CCDC170: variants seen among roughly 807,000 people sequenced by gnomAD.
The protein encoded by CCDC170 is coiled-coil domain-containing protein 170.
A neutral mutation model predicts 72.6 loss-of-function variants in CCDC170; 69 were observed. That is an observed-to-expected ratio of 0.95 (90% CI 0.78 to 1.16). The LOEUF (loss-of-function observed/expected upper bound fraction) is 1.16, where lower values mean the gene tolerates loss of function less well. Among genes scored for constraint, CCDC170 ranks in the 50% most tolerant of loss-of-function variants. The probability of loss-of-function intolerance (pLI) is 0.00; values close to 1 mark genes in which losing one functional copy is unlikely to be tolerated. For missense variants in CCDC170, 852 were observed against 832.5 expected (o/e 1.02, Z -0.29); for synonymous variants, 300 against 303.9 (o/e 0.99, Z 0.13).
chr6:151,501,347 G>T (rs1781991825), intron 1 of CCDC170, among the ~76,000 whole-genome samples: 1 of 152,072 alleles, frequency 6.6e-6, no homozygotes, highest in African/African-American at 2.4e-5. Flanking sequence ...ATTGGAATAA[G>T]GCCTATTACT....
intron 1 of CCDC170, among the ~76,000 whole-genome samples, chr6:151,510,746 C>CAT (rs1554219761): frequency 6.8e-6 from 1 of 148,138 alleles, no homozygotes; most frequent in Non-Finnish European, 1.5e-5. Context: ...TTTTCTTCTT[C>CAT]TTTTTTTTTT....
At chr6:151,548,624 A>G in intron 5 of CCDC170, 135 bp downstream of exon 5, 1 of 697,468 alleles carries the variant, frequency 1.4e-6, no homozygotes, top group Non-Finnish European at 2.1e-6. Flanking sequence ...AAGAGCCTGC[A>G]CTCAGCAGGA....
At chr6:151,552,289 A>G (rs1444410064) in intron 5 of CCDC170, among the ~76,000 whole-genome samples, 3 of 139,460 alleles carry the variant, frequency 2.2e-5, no homozygotes, top group Non-Finnish European at 4.6e-5. Flanking sequence ...AAGTTTGACT[A>G]CGAATCTCTT....
rs533835419 is a variant in CCDC170, at chr6:151,526,562, C to T, written c.58-9756C>T. Among the ~76,000 whole-genome samples the T allele has an allele frequency of 4.0e-5, 6 of 148,288 alleles. No homozygotes were observed. In the South Asian group the frequency reaches 1.3e-3, roughly 32 times the overall value. On this transcript the variant is annotated intron_variant, in intron 1 of 10. Transcript: ENST00000239374. ...GATGGAGACTCGCTCTGTCGCCAGA[C>T]TGGAGTGCAGTGGTGCGATCTTGTC...
At chr6:151,509,619 C>T (rs1332448330) in intron 1 of CCDC170, among the ~76,000 whole-genome samples, 1 of 152,030 alleles carries the variant, frequency 6.6e-6, no homozygotes, top group Non-Finnish European at 1.5e-5. Context: ...CAGTTATGAA[C>T]GTGGAAGAAT....
At chr6:151,593,436 A>G (rs535092520) in intron 8 of CCDC170, among the ~76,000 whole-genome samples, 156 bp downstream of exon 8, 41 of 152,120 alleles carry the variant, frequency 2.7e-4, no homozygotes, top group African/African-American at 8.9e-4. Context: ...TCAAGTCTGA[A>G]GAGTTGGTAA....
chr6:151,553,890 T>C (rs897726092), intron 5 of CCDC170, among the ~76,000 whole-genome samples: 1 of 152,224 alleles, frequency 6.6e-6, no homozygotes, highest in Admixed American at 6.5e-5. Flanking sequence ...TAATGCTTTC[T>C]AAAGCTCTAT....
intron 9 of CCDC170, among the ~76,000 whole-genome samples, chr6:151,610,265 ATTATGTATACAT>A (rs1776849559): frequency 6.6e-6 from 1 of 152,352 alleles, no homozygotes; most frequent in East Asian, 1.9e-4. Context: ...GTAACTTATA[ATTATGTATACAT>A]ATATATCAAA....
intron 8 of CCDC170, 146 bp downstream of exon 8, chr6:151,593,426 T>C (rs1385495885): frequency 2.3e-6 from 2 of 883,902 alleles, no homozygotes; most frequent in Non-Finnish European, 3.4e-6. Flanking sequence ...AGGCTCAATT[T>C]CAAGTCTGAA....
intron 1 of CCDC170, among the ~76,000 whole-genome samples, chr6:151,509,724 T>C (rs925486253): frequency 1.3e-5 from 2 of 152,224 alleles, no homozygotes; most frequent in Non-Finnish European, 2.9e-5. Flanking sequence ...ATGCAAGTGA[T>C]TGTTACAATA....
chr6:151,504,543 G>A (rs117665324), intron 1 of CCDC170, among the ~76,000 whole-genome samples: 6,369 of 152,150 alleles, frequency 0.042, 186 homozygotes, highest in Non-Finnish European at 0.064. Flanking sequence ...CATCACTAGA[G>A]TAAATATATG....
chr6:151,567,580 A>C (rs1313032719), intron 5 of CCDC170, among the ~76,000 whole-genome samples: 1 of 152,172 alleles, frequency 6.6e-6, no homozygotes, highest in Non-Finnish European at 1.5e-5. Flanking sequence ...ATCTGTCAAC[A>C]GTTCTATTAG....
Position 151,573,179 on chromosome 6 carries a change from G to T in CCDC170, c.780G>T (p.Leu260=). 6.2e-7 allele frequency: 1 copy of T among 1,612,324 alleles called. No individual in the cohort carries two copies. The highest frequency in any genetic ancestry group is 8.5e-7 in the Non-Finnish European group (1 of 1,179,350). ...ACTTTCTGTAATCATTTTAGGACCT[G>T]CTCAGTGCTGTAGAAGCAAAAGAAG... ...TEEKEKLNQD[L]LSAVEAKEAL... is the part of the protein sequence containing the mutation. Residue 260 remains leucine, a synonymous_variant, in exon 6 of 11, where the codon CTG becomes CTT. Coordinates refer to ENST00000239374, the MANE Select transcript of CCDC170 (RefSeq NM_025059.4).
intron 3 of CCDC170, 134 bp downstream of exon 3, chr6:151,538,435 A>G: frequency 1.1e-6 from 1 of 880,432 alleles, no homozygotes; most frequent in Non-Finnish European, 1.7e-6. Context: ...AAAGTTATTG[A>G]CCTCAAATAT....
intron 5 of CCDC170, among the ~76,000 whole-genome samples, chr6:151,560,575 T>C (rs779569938): frequency 6.6e-6 from 1 of 152,156 alleles, no homozygotes; most frequent in Admixed American, 6.5e-5. Context: ...AAGTTTCCCA[T>C]GATTATTGTA....
chr6:151,520,949 A>G (rs1183772612), intron 1 of CCDC170, among the ~76,000 whole-genome samples: 6 of 152,226 alleles, frequency 3.9e-5, no homozygotes, highest in Non-Finnish European at 7.3e-5. Context: ...CCAGCTCTGC[A>G]TGAATTAACT....
At chr6:151,601,022 T>C (rs867659699) in intron 9 of CCDC170, among the ~76,000 whole-genome samples, 2 of 152,202 alleles carry the variant, frequency 1.3e-5, no homozygotes, top group South Asian at 4.1e-4. Flanking sequence ...CTTTTTGTAT[T>C]AGTCTGTTTT....
At chr6:151,508,001 A>C (rs1782089399) in intron 1 of CCDC170, among the ~76,000 whole-genome samples, 1 of 152,178 alleles carries the variant, frequency 6.6e-6, no homozygotes, top group South Asian at 2.1e-4. Flanking sequence ...AGATAATAGA[A>C]AATTCAGTCT....
chr6:151,594,015 C>A (rs1394690942), intron 8 of CCDC170, among the ~76,000 whole-genome samples: 1 of 152,140 alleles, frequency 6.6e-6, no homozygotes, highest in African/African-American at 2.4e-5. Flanking sequence ...ACTAGAAATT[C>A]TAGCAGAGAG....
Sources: allele counts gnomAD v4.1 joint callset (sites outside exome capture counted in the v4.1 genomes callset), GRCh38; gene constraint gnomAD v4.1.1; transcripts MANE v1.5; gene names NCBI Gene and HGNC (gene_info 2026-07-23, HGNC 2026-07-21).